The following PCNX1 variants were observed in gnomAD, a reference collection of about 807,000 sequenced individuals.
PCNX1 encodes pecanex-like protein 1.
Under a neutral mutation model 242.2 loss-of-function variants are expected in PCNX1, and 78 were observed. The ratio of observed to expected loss-of-function variants is 0.32; its 90% confidence interval spans 0.27 to 0.39. PCNX1 has a LOEUF of 0.39. Among genes scored for constraint, PCNX1 ranks in the 10% least tolerant of loss-of-function variants. The probability of loss-of-function intolerance (pLI) is 1.00; values close to 1 mark genes in which losing one functional copy is unlikely to be tolerated. For missense variants in PCNX1, 2,581 were observed against 2,856.5 expected, an observed-to-expected ratio of 0.90 and a Z score of 2.20; for synonymous variants, 1,024 against 1,032.9, an observed-to-expected ratio of 0.99 and a Z score of 0.17.
chr14:71,023,118 ATTCAT>A (rs2060148849), intron 12 of PCNX1, 77 bp from the exon 13 acceptor site: 2 of 986,758 alleles, frequency 2.0e-6, no homozygotes, highest in East Asian at 2.4e-5. Flanking sequence ...ACTTAAAATC[ATTCAT>A]TTCAGGCATT....
chr14:71,098,553 T>TGTGTGTGTGTGTGTGTGAGAGAGAGAGA (rs60367565), intron 30 of PCNX1, among the ~76,000 whole-genome samples: 1 of 125,668 alleles, frequency 8.0e-6, no homozygotes, highest in Admixed American at 8.1e-5. Context: ...TGTGTGTGTG[T>TGTGTGTGTGTGTGTGTGAGAGAGAGAGA]GAGAGAGAGA....
At chr14:70,924,019 C>G (rs1280461648) in intron 1 of PCNX1, among the ~76,000 whole-genome samples, 1 of 151,900 alleles carries the variant, frequency 6.6e-6, no homozygotes, top group African/African-American at 2.4e-5. Context: ...TTGCTTGAGT[C>G]CAGGAGTTCG....
At chr14:70,966,709 A>G (rs915848536) in intron 3 of PCNX1, among the ~76,000 whole-genome samples, 1 of 152,226 alleles carries the variant, frequency 6.6e-6, no homozygotes, top group African/African-American at 2.4e-5. Flanking sequence ...GCAAATGACT[A>G]CCATATCCGT....
intron 7 of PCNX1, among the ~76,000 whole-genome samples, chr14:70,988,965 T>C (rs1167458357): frequency 1.3e-5 from 2 of 151,990 alleles, no homozygotes; most frequent in Non-Finnish European, 2.9e-5. Context: ...AGGATGTATA[T>C]AGTGGGCCTT....
At chr14:71,099,301 G>C (rs1048276846) in intron 30 of PCNX1, among the ~76,000 whole-genome samples, 1 of 151,984 alleles carries the variant, frequency 6.6e-6, no homozygotes. Flanking sequence ...TGGGACTGCA[G>C]GCGCCCGCCA....
At chr14:70,990,144 A>G (rs2059120365) in intron 7 of PCNX1, among the ~76,000 whole-genome samples, 1 of 152,212 alleles carries the variant, frequency 6.6e-6, no homozygotes, top group South Asian at 2.1e-4. Flanking sequence ...TAGATTTTAC[A>G]GTCAAGAACT....
At chr14:70,985,672 C>T (rs2058980238) in intron 6 of PCNX1, among the ~76,000 whole-genome samples, 1 of 152,172 alleles carries the variant, frequency 6.6e-6, no homozygotes, top group Non-Finnish European at 1.5e-5. Context: ...TCTTGTCATT[C>T]ACGGTTTTTG....
At chr14:71,097,627 T>C (rs1396672149) in intron 30 of PCNX1, among the ~76,000 whole-genome samples, 1 of 152,208 alleles carries the variant, frequency 6.6e-6, no homozygotes, top group African/African-American at 2.4e-5. Context: ...TTGCCCACTT[T>C]TTAATGGGGT....
chr14:71,026,605 T>G (rs967947029), intron 14 of PCNX1, among the ~76,000 whole-genome samples, 167 bp from the exon 15 acceptor site: 3 of 152,108 alleles, frequency 2.0e-5, no homozygotes, highest in African/African-American at 7.2e-5. Flanking sequence ...AAGATGTTAT[T>G]TACTACCCAA....
At chr14:70,996,688 T>C (rs1012853135) in intron 8 of PCNX1, among the ~76,000 whole-genome samples, 2 of 152,152 alleles carry the variant, frequency 1.3e-5, no homozygotes, top group Non-Finnish European at 2.9e-5. Flanking sequence ...TAAGTAAATA[T>C]AATGAAGAAA....
chr14:71,026,152 T>A lies in PCNX1; in HGVS notation c.3219T>A (p.Val1073=), dbSNP rs79394793. The A allele has an allele frequency of 6.2e-7, 1 of 1,609,994 alleles. No homozygotes were observed. ...HNRIIAYSRP[V]YFCICCGLIW... ...GTATCATTGCCTACAGTAGACCAGT[T>A]TATTTCTGCATATGTTGCGGTCTTA... Residue 1073 remains valine (V), a synonymous_variant, in exon 14 of 36, where the codon GTT becomes GTA. Coordinates refer to ENST00000304743, the MANE Select transcript of PCNX1 (RefSeq NM_014982.3).
At chr14:70,920,552 C>G (rs2056338099) in intron 1 of PCNX1, among the ~76,000 whole-genome samples, 1 of 152,138 alleles carries the variant, frequency 6.6e-6, no homozygotes, top group Non-Finnish European at 1.5e-5. Context: ...CTAATACAGG[C>G]TAACCATTAA....
intron 1 of PCNX1, among the ~76,000 whole-genome samples, chr14:70,910,319 T>C (rs1290259655): frequency 6.7e-6 from 1 of 149,272 alleles, no homozygotes; most frequent in East Asian, 2.0e-4. Flanking sequence ...TGCAGTACTT[T>C]AATGAGGTTC....
At chr14:70,968,040 C>T (rs2058433751) in intron 3 of PCNX1, among the ~76,000 whole-genome samples, 158 bp from the exon 4 acceptor site, 3 of 152,018 alleles carry the variant, frequency 2.0e-5, no homozygotes, top group African/African-American at 7.3e-5. Flanking sequence ...TGCGTGGCTC[C>T]AATAGAGCTT....
At position 70,944,063 on chromosome 14, in the gene PCNX1, G is replaced by C. The variant is rs1594974314; in HGVS notation, c.154-2852G>C. Among the ~76,000 whole-genome samples, 4 of 152,300 alleles carry C rather than the reference G, an allele frequency of 2.6e-5. No homozygotes were observed. In the South Asian group the frequency reaches 8.3e-4, roughly 32 times the overall value. On this transcript the variant is annotated intron_variant, in intron 1 of 35. Coordinates refer to ENST00000304743, the MANE Select transcript of PCNX1 (RefSeq NM_014982.3). ...GAGCCCTTATGGAAAACATCTGCTAGGGCACTGTGGAAGGGAAATGTGGGG... is the reference window on the plus strand; with the variant it reads ...GAGCCCTTATGGAAAACATCTGCTACGGCACTGTGGAAGGGAAATGTGGGG...
chr14:70,994,396 G>GATATATGTGTGTGTATATATAT (rs1371763584), intron 7 of PCNX1, among the ~76,000 whole-genome samples: 4 of 96,972 alleles, frequency 4.1e-5, no homozygotes, highest in African/African-American at 1.5e-4. Context: ...ACAGGCTTAA[G>GATATATGTGTGTGTATATATAT]ATATATATAT....
Position 71,085,580 on chromosome 14 carries a change from C to G in PCNX1, c.5338-2750C>G, listed in dbSNP as rs77143898. The G allele has an allele frequency of 9.3e-4, 144 of 154,682 alleles. 1 individual carries two copies. Among genetic ancestry groups the G allele is most frequent in the African/African-American group, 3.3e-3 (139 of 41,594 alleles). The allele number at this position is 154,682 out of a possible 1,614,324, so 9.6% of individuals were successfully genotyped here. ...AGCTTTTCCAGTTCTCTCTCCCATCCAGAACCATGAGAGGCACGCCATTCG... is the reference window on the plus strand; with the variant it reads ...AGCTTTTCCAGTTCTCTCTCCCATCGAGAACCATGAGAGGCACGCCATTCG... On this transcript the variant is annotated intron_variant, in intron 28 of 35. Transcript: ENST00000304743.
intron 26 of PCNX1, among the ~76,000 whole-genome samples, chr14:71,059,414 C>T (rs956427212): frequency 1.1e-4 from 17 of 151,932 alleles, no homozygotes; most frequent in East Asian, 7.7e-4. Flanking sequence ...ACAGGGGTCT[C>T]GCTCTGTCAC....
chr14:71,095,810 T>C (rs1347393740), intron 30 of PCNX1, among the ~76,000 whole-genome samples: 2 of 152,320 alleles, frequency 1.3e-5, no homozygotes, highest in East Asian at 1.9e-4. Flanking sequence ...AAAAGAGATA[T>C]TTAAACAAGA....
Sources: gnomAD v4.1 joint callset for allele counts (sites outside exome capture counted in the v4.1 genomes callset) on GRCh38, gnomAD v4.1.1 for gene constraint, MANE v1.5 for transcripts, NCBI Gene and HGNC (gene_info 2026-07-23, HGNC 2026-07-21) for gene names.